The following CNTN5 variants were observed in gnomAD, a reference collection of about 807,000 sequenced individuals.
The protein encoded by CNTN5 is contactin-5.
A neutral mutation model predicts 129.1 loss-of-function variants in CNTN5; 77 were observed. The ratio of observed to expected loss-of-function variants is 0.60; its 90% confidence interval spans 0.50 to 0.72. The LOEUF (loss-of-function observed/expected upper bound fraction) is 0.72. Ranked by LOEUF, CNTN5 falls within the 30% of genes least tolerant of loss-of-function variation. The probability of loss-of-function intolerance (pLI) is 0.00; values close to 1 mark genes in which losing one functional copy is unlikely to be tolerated. For synonymous variants in CNTN5, 509 were observed against 465.6 expected, an observed-to-expected ratio of 1.09 and a Z score of -1.20; for missense variants, 1,478 against 1,328.8, an observed-to-expected ratio of 1.11 and a Z score of -1.75.
At chr11:99,287,702 C>T (rs189984780) in intron 1 of CNTN5, among the ~76,000 whole-genome samples, 7 of 151,868 alleles carry the variant, frequency 4.6e-5, no homozygotes, top group South Asian at 2.1e-4. Flanking sequence ...GTTATGCATA[C>T]GATTAGGAGC....
chr11:99,791,801 G>A (rs1350091715), intron 3 of CNTN5, among the ~76,000 whole-genome samples: 1 of 151,932 alleles, frequency 6.6e-6, no homozygotes, highest in African/African-American at 2.4e-5. Context: ...TTTTGTAGTT[G>A]CATTTTAGAG....
intron 15 of CNTN5, among the ~76,000 whole-genome samples, chr11:100,200,353 T>TA (rs1948748595): frequency 6.6e-6 from 1 of 151,946 alleles, no homozygotes; most frequent in African/African-American, 2.4e-5. Flanking sequence ...AAGACAGGCT[T>TA]AGCCATCCAA....
chr11:99,273,374 G>A (rs1034136908), intron 1 of CNTN5, among the ~76,000 whole-genome samples: 1 of 151,736 alleles, frequency 6.6e-6, no homozygotes, highest in South Asian at 2.1e-4. Flanking sequence ...GTTAAATGTC[G>A]TTCAATACTA....
rs557085279 is a variant in CNTN5 at position 100,316,151 on chromosome 11, A to T, written c.2730+7683A>T. On this transcript the variant is annotated intron_variant, in intron 21 of 24. Coordinates refer to ENST00000524871, the MANE Select transcript of CNTN5 (RefSeq NM_014361.4). ...TTATGTGCATACAAATTCAGAGAAG[A>T]TGCCAGTCTGGCAAGAAGGGAGGGT... Among the ~76,000 whole-genome samples, 4 of 152,342 alleles carry T rather than the reference A, an allele frequency of 2.6e-5. No individual in the cohort carries two copies. The South Asian group carries it at 8.3e-4, about 32-fold the overall frequency.
chr11:99,719,248 G>A (rs145534460), intron 3 of CNTN5, among the ~76,000 whole-genome samples: 6 of 152,002 alleles, frequency 3.9e-5, no homozygotes, highest in African/African-American at 1.4e-4. Context: ...GAACCCCAGA[G>A]ATAAAAGGTT....
At position 99,378,754 on chromosome 11, in the gene CNTN5, G is replaced by A. The variant is rs181337785; in HGVS notation, c.-71+53270G>A. Among the ~76,000 whole-genome samples, 556 of 152,100 alleles carry A rather than the reference G, an allele frequency of 3.7e-3. 5 individuals carry two copies. Among genetic ancestry groups the A allele is most frequent in the African/African-American group, 0.011 (459 of 41,520 alleles). ...ATCACTAGGCTAGGTTTAAAAAAAA[G>A]TGAGAAAGGAAATAATATCTATAGG... On this transcript the variant is annotated intron_variant, in intron 2 of 24. Transcript: ENST00000524871.
At chr11:100,340,427 T>C (rs755669508) in intron 21 of CNTN5, 36 bp from the exon 22 acceptor site, 1 of 1,527,054 alleles carries the variant, frequency 6.5e-7, no homozygotes, top group South Asian at 1.2e-5. Context: ...AGAGGAAGCT[T>C]TAAAATTAAC....
chr11:99,144,161 T>C (rs542102338), intron 1 of CNTN5, among the ~76,000 whole-genome samples: 6 of 152,336 alleles, frequency 3.9e-5, no homozygotes, highest in African/African-American at 1.4e-4. Context: ...CTGATCTTTT[T>C]CATTTCAGGG....
intron 2 of CNTN5, among the ~76,000 whole-genome samples, chr11:99,548,036 C>G (rs535329101): frequency 6.6e-6 from 1 of 152,194 alleles, no homozygotes; most frequent in East Asian, 1.9e-4. Context: ...TAGAACAGTA[C>G]CTGGCAGGTA....
chr11:100,028,488 T>C (rs190392525), intron 9 of CNTN5, among the ~76,000 whole-genome samples: 1 of 152,308 alleles, frequency 6.6e-6, no homozygotes, highest in Admixed American at 6.5e-5. Context: ...GTTAATTTAT[T>C]ATTTCACCCT....
chr11:99,095,093 A>G (rs1479657182), intron 1 of CNTN5, among the ~76,000 whole-genome samples: 1 of 151,856 alleles, frequency 6.6e-6, no homozygotes, highest in Non-Finnish European at 1.5e-5. Flanking sequence ...TCAACTTGTC[A>G]TCGACATTAG....
intron 8 of CNTN5, among the ~76,000 whole-genome samples, chr11:99,991,083 A>T (rs2137413169): frequency 2.0e-5 from 3 of 152,338 alleles, no homozygotes; most frequent in Admixed American, 2.0e-4. Flanking sequence ...TAGTGTTATG[A>T]ATGTGACAGA....
At chr11:99,195,744 C>A (rs950109314) in intron 1 of CNTN5, among the ~76,000 whole-genome samples, 3 of 151,914 alleles carry the variant, frequency 2.0e-5, no homozygotes, top group Non-Finnish European at 4.4e-5. Flanking sequence ...CGTACTTATC[C>A]ACCAGTTTAT....
chr11:100,150,017 T>C (rs563409207), intron 13 of CNTN5, among the ~76,000 whole-genome samples: 4 of 152,102 alleles, frequency 2.6e-5, no homozygotes, highest in Admixed American at 2.6e-4. Context: ...TCTACCAATA[T>C]AAACAGGAGA....
At chr11:99,245,977 A>G (rs900208835) in intron 1 of CNTN5, among the ~76,000 whole-genome samples, 2 of 152,166 alleles carry the variant, frequency 1.3e-5, no homozygotes, top group African/African-American at 4.8e-5. Flanking sequence ...AGGGATCTGA[A>G]TGGGACTATG....
At chr11:99,052,192 A>G (rs1864453878) in intron 1 of CNTN5, among the ~76,000 whole-genome samples, 1 of 151,858 alleles carries the variant, frequency 6.6e-6, no homozygotes, top group Non-Finnish European at 1.5e-5. Flanking sequence ...ATGTGTGTGT[A>G]TATGTAACAT....
At chr11:99,548,275 A>C (rs1948366693) in intron 2 of CNTN5, among the ~76,000 whole-genome samples, 1 of 152,206 alleles carries the variant, frequency 6.6e-6, no homozygotes, top group Non-Finnish European at 1.5e-5. Flanking sequence ...AACCTTAGAC[A>C]AGTTAAATTT....
At chr11:99,973,870 A>C (rs184706525) in intron 8 of CNTN5, among the ~76,000 whole-genome samples, 1 of 152,346 alleles carries the variant, frequency 6.6e-6, no homozygotes, top group Admixed American at 6.5e-5. Flanking sequence ...CACATTTACC[A>C]TAAAATAACA....
chr11:99,645,327 C>T (rs552742849), intron 3 of CNTN5, among the ~76,000 whole-genome samples: 2 of 142,930 alleles, frequency 1.4e-5, no homozygotes, highest in East Asian at 2.3e-4. Context: ...ACTTAAACTA[C>T]TCTGAGGATG....
Sources: gnomAD v4.1 joint callset for allele counts (sites outside exome capture counted in the v4.1 genomes callset) on GRCh38, gnomAD v4.1.1 for gene constraint, MANE v1.5 for transcripts, NCBI Gene and HGNC (gene_info 2026-07-23, HGNC 2026-07-21) for gene names.